Variants in PWWP2A observed in about 807,000 individuals in gnomAD.
The protein encoded by PWWP2A is PWWP domain-containing protein 2A.
PWWP2A carries 18 observed loss-of-function variants against 48.5 expected under a neutral mutation model. That is an observed-to-expected ratio of 0.37 (90% CI 0.26 to 0.55). The LOEUF (loss-of-function observed/expected upper bound fraction) is 0.55, where lower values mean the gene tolerates loss of function less well. Ranked by LOEUF, PWWP2A falls within the 20% of genes least tolerant of loss-of-function variation. The pLI is 0.81. For synonymous variants in PWWP2A, 396 were observed against 387.7 expected (o/e 1.02, Z -0.25); for missense variants, 867 against 976.4 (o/e 0.89, Z 1.49).
intron 4 of PWWP2A, chr5:160,065,577 C>A (rs533332100): frequency 1.4e-4 from 50 of 347,384 alleles, no homozygotes; most frequent in African/African-American, 1.1e-3. Context: ...TGTCACGTAA[C>A]GACAACTAAG....
At chr5:160,064,330 T>C (rs1362130945) in intron 4 of PWWP2A, among the ~76,000 whole-genome samples, 1 of 152,174 alleles carries the variant, frequency 6.6e-6, no homozygotes, top group Non-Finnish European at 1.5e-5. Flanking sequence ...GGCTGGACTA[T>C]TGAGGTCTTA....
the PWWP2A span, among the ~76,000 whole-genome samples, chr5:160,054,916 A>G: frequency 6.6e-6 from 1 of 152,256 alleles, no homozygotes; most frequent in African/African-American, 2.4e-5. Flanking sequence ...GCTACCCTGA[A>G]GCTCCTCTGC....
chr5:160,104,944 T>C (rs977899490), intron 1 of PWWP2A, among the ~76,000 whole-genome samples: 6 of 152,066 alleles, frequency 3.9e-5, no homozygotes, highest in Non-Finnish European at 7.4e-5. Flanking sequence ...CAATAATGTT[T>C]AGAAAGCATA....
chr5:160,074,685 G>T (rs182904126), downstream of PWWP2A, among the ~76,000 whole-genome samples: 5,075 of 151,374 alleles, frequency 0.034, 114 homozygotes, highest in East Asian at 0.1. Flanking sequence ...GGCGGAGGTT[G>T]CAGTGAGCCA....
At position 160,092,308 on chromosome 5, in the gene PWWP2A, G is replaced by A; in HGVS notation, c.*74C>T. 2.7e-6 allele frequency: 4 copies of A among 1,455,988 alleles called. No individual in the cohort carries two copies. The highest frequency in any genetic ancestry group is 3.6e-6 in the Non-Finnish European group (4 of 1,103,548). The allele number at this position is 1,455,988 out of a possible 1,614,324, so 90.2% of individuals were successfully genotyped here. On this transcript the variant is annotated 3_prime_UTR_variant, in exon 2 of 2. Transcript: ENST00000307063. ...CTCTCCAATCTGGCCACGCTATTTT[G>A]TAGAAATTATTCCTAACTAGACTAG...
the PWWP2A span, among the ~76,000 whole-genome samples, chr5:160,045,504 ACACAC>A: frequency 1.1e-5 from 1 of 95,140 alleles, no homozygotes; most frequent in African/African-American, 4.1e-5. Flanking sequence ...ACACACACAC[ACACAC>A]ACACATACAC....
chr5:160,061,619 T>C (rs923453221), downstream of PWWP2A, among the ~76,000 whole-genome samples: 11 of 152,222 alleles, frequency 7.2e-5, no homozygotes, highest in African/African-American at 2.7e-4. Flanking sequence ...CCAGGTATTA[T>C]ATATATGTAA....
intron 2 of PWWP2A, chr5:160,080,823 C>T: frequency 1.4e-6 from 2 of 1,459,588 alleles, no homozygotes; most frequent in Non-Finnish European, 1.8e-6. Context: ...GTTTTTTAAT[C>T]CATCCATTTT....
chr5:160,088,285 C>T (rs796141150), downstream of PWWP2A, among the ~76,000 whole-genome samples: 18 of 152,286 alleles, frequency 1.2e-4, no homozygotes, highest in African/African-American at 4.3e-4. Flanking sequence ...AGTGCAACCT[C>T]CGCCTCCCGG....
intron 2 of PWWP2A, among the ~76,000 whole-genome samples, chr5:160,081,238 C>CTT: frequency 6.9e-6 from 1 of 144,390 alleles, no homozygotes. Context: ...TCAATGACCC[C>CTT]CTTTTTTTTT....
chr5:160,065,104 T>C (rs1420939525), intron 4 of PWWP2A: 4 of 1,596,148 alleles, frequency 2.5e-6, no homozygotes, highest in Admixed American at 3.6e-5. Flanking sequence ...CTTGGAATTG[T>C]GTGCTGCTTG....
the PWWP2A span, among the ~76,000 whole-genome samples, chr5:160,052,385 A>G: frequency 6.8e-6 from 1 of 147,208 alleles, no homozygotes; most frequent in African/African-American, 2.4e-5. Flanking sequence ...CCATAGTCCC[A>G]GCTACATGGG....
rs267600522 is a variant in PWWP2A, at chr5:160,092,831, G to C, written c.1819C>G (p.Pro607Ala). The C allele has an allele frequency of 1.6e-5, 25 of 1,551,510 alleles. No individual in the cohort carries two copies. The highest frequency in any genetic ancestry group is 5.9e-5 in the Admixed American group (3 of 50,984). The part of the protein sequence containing the change: ...ECSSSESFDF[P>A]PGSMHAPSTS... ...GAAGGTGCATGCATACTGCCTGGAG[G>C]AAAATCAAAGCTTTCAGAAGAACTA... The change falls in exon 2 of 2, where the codon CCT becomes GCT. Residue 607 changes from proline to alanine, a missense_variant. Pro to Ala is a conservative substitution (Grantham distance 27). Around this residue, in one of 4 missense-constraint regions of PWWP2A, gnomAD observed 382 missense variants for 407.2 expected, o/e 0.94. Transcript: ENST00000307063.
In PWWP2A at chr5:160,092,948, T is replaced by C. The variant is rs758202350; in HGVS notation, c.1702A>G (p.Met568Val). 34 of 1,552,020 alleles carry C rather than the reference T, an allele frequency of 2.2e-5. No individual in the cohort carries two copies. In the South Asian group the frequency reaches 3.3e-4, roughly 15 times the overall value. Reference sequence around the variant, plus strand: ...TCAGATTTCTTTTGATTTAGGGTCATATAAACAGAGATATTGTTTTTGCTG... The same window carrying C: ...TCAGATTTCTTTTGATTTAGGGTCACATAAACAGAGATATTGTTTTTGCTG... Reference protein sequence around the residue: ...KGSKNNISVYMTLNQKKSDSS... With the variant: ...KGSKNNISVYVTLNQKKSDSS... The change falls in exon 2 of 2, where the codon ATG (methionine) becomes GTG (valine). Residue 568 changes from methionine to valine, a missense_variant. Physicochemically the swap from Met to Val is conservative, Grantham distance 21. Transcript: ENST00000307063.
intron 2 of PWWP2A, among the ~76,000 whole-genome samples, chr5:160,084,155 C>A (rs1179229999): frequency 6.6e-6 from 1 of 152,168 alleles, no homozygotes; most frequent in Non-Finnish European, 1.5e-5. Context: ...ATTTATACAG[C>A]CTCATGCAAG....
At position 160,078,089 on chromosome 5, in the gene PWWP2A, A is replaced by C; in HGVS notation, c.*66T>G. On this transcript the variant is annotated 3_prime_UTR_variant, in exon 4 of 4. Transcript: ENST00000456329. This position sits in a 1 kb window ranked among gnomAD's most constrained non-coding sequence, Gnocchi z 4.2. ...GTGCAGCTTTAAAAACTCCAATTTCATTCAGTCCTGATGCTCTGGTGTTCT... is the reference window on the plus strand; with the variant it reads ...GTGCAGCTTTAAAAACTCCAATTTCCTTCAGTCCTGATGCTCTGGTGTTCT... 1.4e-6 allele frequency: 2 copies of C among 1,393,960 alleles called. No individual in the cohort carries two copies. Among genetic ancestry groups the C allele is most frequent in the Middle Eastern group, 1.8e-4 (1 of 5,660 alleles). The allele number at this position is 1,393,960 out of a possible 1,614,324, so 86.3% of individuals were successfully genotyped here. A position where few individuals can be genotyped will look rare whatever the true frequency, so the allele number is the denominator to read the frequency against.
At chr5:160,115,137 C>CA (rs535110852) in intron 1 of PWWP2A, among the ~76,000 whole-genome samples, 3,609 of 87,854 alleles carry the variant, frequency 0.041, 416 homozygotes, top group Non-Finnish European at 0.048. Context: ...GAGACTCTGT[C>CA]AAAAAAAAAA....
chr5:160,091,460 A>T lies in PWWP2A; in HGVS notation c.*922T>A. 1.0e-6 allele frequency: 1 copy of T among 982,266 alleles called. No homozygotes were observed. Among genetic ancestry groups the T allele is most frequent in the Non-Finnish European group, 1.2e-6 (1 of 827,442 alleles). The allele number at this position is 982,266 out of a possible 1,614,324, so 60.8% of individuals were successfully genotyped here. A position where few individuals can be genotyped will look rare whatever the true frequency, so the allele number is the denominator to read the frequency against. On this transcript the variant is annotated 3_prime_UTR_variant, in exon 2 of 2. Coordinates refer to ENST00000307063, the MANE Select transcript of PWWP2A (RefSeq NM_001130864.2). ...ACCTGCAAACAGATACCTTAAACGGAAATTATTTTGTTTTAATTATCAAAT... is the reference window on the plus strand; with the variant it reads ...ACCTGCAAACAGATACCTTAAACGGTAATTATTTTGTTTTAATTATCAAAT...
At chr5:160,047,260 A>C in the PWWP2A span, among the ~76,000 whole-genome samples, 1 of 152,064 alleles carries the variant, frequency 6.6e-6, no homozygotes, top group South Asian at 2.1e-4. Context: ...GCCCCCACAC[A>C]CACACAAAAC....
Sources: gnomAD v4.1 joint callset for allele counts (sites outside exome capture counted in the v4.1 genomes callset) on GRCh38, gnomAD v4.1.1 for gene constraint, gnomAD v4.1.1 regional missense constraint, Gnocchi (gnomAD v3.1) non-coding constraint, MANE v1.5 for transcripts, NCBI Gene and HGNC (gene_info 2026-07-23, HGNC 2026-07-21) for gene names.